The following LRRC72 variants were observed in gnomAD, a reference collection of about 807,000 sequenced individuals.
LRRC72 encodes the protein leucine rich repeat containing 72.
In LRRC72, 41 loss-of-function variants were observed where a neutral mutation model predicts 35.8. The observed-to-expected ratio is 1.15, with a 90% CI of 0.89 to 1.49. LRRC72 has a LOEUF of 1.49. Among genes scored for constraint, LRRC72 ranks in the 40% most tolerant of loss-of-function variants. The pLI is 0.00. For missense variants in LRRC72, 389 were observed against 330.7 expected, an observed-to-expected ratio of 1.18 and a Z score of -1.37; for synonymous variants, 118 against 119.2, an observed-to-expected ratio of 0.99 and a Z score of 0.07.
intron 7 of LRRC72, among the ~76,000 whole-genome samples, chr7:16,572,841 T>C (rs1782971368): frequency 6.6e-6 from 1 of 152,046 alleles, no homozygotes; most frequent in African/African-American, 2.4e-5. Context: ...TGTATTCAAA[T>C]AGGAAGAGAG....
chr7:16,567,968 T>C (rs1165613290), intron 7 of LRRC72, among the ~76,000 whole-genome samples: 1 of 152,154 alleles, frequency 6.6e-6, no homozygotes, highest in Non-Finnish European at 1.5e-5. Context: ...CATGCAGAAA[T>C]AAGCACTGGT....
At chr7:16,577,004 G>A (rs576419632) in intron 7 of LRRC72, among the ~76,000 whole-genome samples, 1 of 152,310 alleles carries the variant, frequency 6.6e-6, no homozygotes, top group South Asian at 2.1e-4. Context: ...TAATTGAAAG[G>A]TATGAGCTGG....
chr7:16,553,665 A>G (rs1194272921), intron 3 of LRRC72, among the ~76,000 whole-genome samples: 2 of 152,210 alleles, frequency 1.3e-5, no homozygotes, highest in East Asian at 3.8e-4. Flanking sequence ...TAAGAAGCCA[A>G]GGATGCTAAT....
intron 2 of LRRC72, among the ~76,000 whole-genome samples, chr7:16,535,789 G>A (rs1216948652): frequency 6.6e-6 from 1 of 152,154 alleles, no homozygotes; most frequent in Non-Finnish European, 1.5e-5. Flanking sequence ...TTGATCAATA[G>A]GAAACAATCC....
Position 16,567,425 on chromosome 7 carries a change from C to A in LRRC72, c.552C>A (p.Thr184=), listed in dbSNP as rs1782864856. 2 of 1,505,584 alleles carry A rather than the reference C, an allele frequency of 1.3e-6. No individual in the cohort carries two copies. Among genetic ancestry groups the A allele is most frequent in the African/African-American group, 1.4e-5 (1 of 70,868 alleles). The allele number at this position is 1,505,584 out of a possible 1,614,324, so 93.3% of individuals were successfully genotyped here. ...AAAAAGAAAGAAGATCAATGATTACCATTTTTAACCATAAAAAGGCTCATA... is the reference window on the plus strand; with the variant it reads ...AAAAAGAAAGAAGATCAATGATTACAATTTTTAACCATAAAAAGGCTCATA... ...VTEKERRSMI[T]IFNHKKAHIV... Residue 184 remains threonine, a synonymous_variant, in exon 7 of 9, where the codon ACC becomes ACA. Coordinates refer to ENST00000401542, the MANE Select transcript of LRRC72 (RefSeq NM_001195280.2).
chr7:16,536,185 T>C (rs954126763), intron 2 of LRRC72, among the ~76,000 whole-genome samples: 2 of 151,946 alleles, frequency 1.3e-5, no homozygotes, highest in African/African-American at 2.4e-5. Flanking sequence ...AAAAAACTAA[T>C]GTTAAGGGAG....
chr7:16,543,110 A>C (rs961539157), intron 3 of LRRC72, among the ~76,000 whole-genome samples: 2 of 152,240 alleles, frequency 1.3e-5, no homozygotes, highest in African/African-American at 4.8e-5. Flanking sequence ...GCAAACTCTA[A>C]CAGGCATATT....
intron 5 of LRRC72, among the ~76,000 whole-genome samples, chr7:16,560,723 T>C (rs1234199851): frequency 6.6e-6 from 1 of 152,066 alleles, no homozygotes; most frequent in African/African-American, 2.4e-5. Context: ...ACCATTAATG[T>C]TATTTTGAAG....
chr7:16,531,271 C>G (rs988066192), intron 1 of LRRC72, among the ~76,000 whole-genome samples: 1 of 152,014 alleles, frequency 6.6e-6, no homozygotes, highest in Non-Finnish European at 1.5e-5. Flanking sequence ...TTTCCAAGCC[C>G]CAGGTCGGCT....
intron 7 of LRRC72, among the ~76,000 whole-genome samples, chr7:16,570,554 C>G (rs899875888): frequency 2.6e-4 from 39 of 152,172 alleles, no homozygotes; most frequent in Non-Finnish European, 5.4e-4. Flanking sequence ...CGTGGTGGCT[C>G]ATACCTGTAA....
At position 16,533,336 on chromosome 7, in the gene LRRC72, G is replaced by T. The variant is rs571861548; in HGVS notation, c.164+768G>T. 1.2e-4 allele frequency among the ~76,000 whole-genome samples: 19 copies of T among 152,164 alleles called. No individual in the cohort carries two copies. The South Asian group carries it at 1.7e-3, about 13-fold the overall frequency. Reference sequence around the variant, plus strand: ...ACAAATTGGGTTTTTCTATAGAGTAGAATGAGATAGAACCCAGGTATGAGA... The same window carrying T: ...ACAAATTGGGTTTTTCTATAGAGTATAATGAGATAGAACCCAGGTATGAGA... On this transcript the variant is annotated intron_variant, in intron 2 of 8. Transcript: ENST00000401542.
chr7:16,550,412 G>C (rs546646381), intron 3 of LRRC72, among the ~76,000 whole-genome samples: 28 of 152,210 alleles, frequency 1.8e-4, no homozygotes, highest in Admixed American at 3.3e-4. Flanking sequence ...CAAGTGTAAA[G>C]TACTAATCAA....
intron 7 of LRRC72, among the ~76,000 whole-genome samples, chr7:16,573,018 C>A (rs1009283628): frequency 3.3e-5 from 5 of 152,126 alleles, no homozygotes; most frequent in Admixed American, 2.6e-4. Context: ...AATAGACAAA[C>A]AGAGAGCCAA....
intron 3 of LRRC72, among the ~76,000 whole-genome samples, chr7:16,541,169 C>T (rs10263413): frequency 0.47 from 71,030 of 152,098 alleles, 16,722 homozygotes; most frequent in East Asian, 0.61. Context: ...CAGACAATCA[C>T]TACAGTAAGC....
At chr7:16,549,806 A>G (rs1269320245) in intron 3 of LRRC72, among the ~76,000 whole-genome samples, 1 of 152,202 alleles carries the variant, frequency 6.6e-6, no homozygotes, top group African/African-American at 2.4e-5. Context: ...TAGATGCTAC[A>G]CAGCCAAAAA....
chr7:16,552,386 A>G (rs1178200507), intron 3 of LRRC72, among the ~76,000 whole-genome samples: 1 of 121,554 alleles, frequency 8.2e-6, no homozygotes, highest in Non-Finnish European at 1.7e-5. Flanking sequence ...GGGACTCCAG[A>G]GCACGTGAAA....
chr7:16,575,777 G>T (rs2128339201), intron 7 of LRRC72, among the ~76,000 whole-genome samples: 1 of 152,304 alleles, frequency 6.6e-6, no homozygotes, highest in East Asian at 1.9e-4. Context: ...GCTGTGGTAG[G>T]AAAGGAGTCT....
intron 1 of LRRC72, among the ~76,000 whole-genome samples, chr7:16,529,558 C>G (rs1782128426): frequency 6.6e-6 from 1 of 152,086 alleles, no homozygotes; most frequent in African/African-American, 2.4e-5. Flanking sequence ...ACTAGTGAAG[C>G]TGTGTGTTCA....
chr7:16,531,834 T>A (rs1261786789), intron 1 of LRRC72, among the ~76,000 whole-genome samples: 1 of 152,198 alleles, frequency 6.6e-6, no homozygotes, highest in Non-Finnish European at 1.5e-5. Flanking sequence ...GTTTTATTTT[T>A]AAAACAGAGC....
Sources: gnomAD v4.1 joint callset for allele counts (sites outside exome capture counted in the v4.1 genomes callset) on GRCh38, gnomAD v4.1.1 for gene constraint, MANE v1.5 for transcripts, NCBI Gene and HGNC (gene_info 2026-07-23, HGNC 2026-07-21) for gene names.